TYR: variants seen among roughly 807,000 people sequenced by gnomAD.
The protein encoded by TYR is LB24-AB.
TYR carries 58 observed loss-of-function variants against 51.5 expected under a neutral mutation model. The ratio of observed to expected loss-of-function variants is 1.13; its 90% CI spans 0.91 to 1.40. TYR has a LOEUF of 1.40. Among genes scored for constraint, TYR ranks in the 40% most tolerant of loss-of-function variants. The probability of loss-of-function intolerance (pLI) is 0.00; values close to 1 mark genes in which losing one functional copy is unlikely to be tolerated. For missense variants in TYR, 732 were observed against 647.4 expected, an observed-to-expected ratio of 1.13 and a Z score of -1.42; for synonymous variants, 263 against 235.2, an observed-to-expected ratio of 1.12 and a Z score of -1.08.
chr11:89,205,691 G>T (rs1943663354), intron 2 of TYR, among the ~76,000 whole-genome samples: 1 of 151,748 alleles, frequency 6.6e-6, no homozygotes, highest in Non-Finnish European at 1.5e-5. Context: ...GAAGTAAAAT[G>T]AAAAGATTTT....
intron 3 of TYR, among the ~76,000 whole-genome samples, chr11:89,244,555 T>C (rs1004767165): frequency 1.3e-5 from 2 of 152,236 alleles, no homozygotes; most frequent in African/African-American, 4.8e-5. Context: ...ATGCTACACA[T>C]TGTCCATGTT....
At chr11:89,248,562 G>T (rs951155095) in intron 3 of TYR, among the ~76,000 whole-genome samples, 1 of 152,118 alleles carries the variant, frequency 6.6e-6, no homozygotes, top group Non-Finnish European at 1.5e-5. Context: ...GACTAGAAAA[G>T]CTAAATACGG....
intron 3 of TYR, among the ~76,000 whole-genome samples, chr11:89,280,003 ATTTAT>A (rs1272759276): frequency 6.6e-6 from 1 of 151,588 alleles, no homozygotes; most frequent in African/African-American, 2.4e-5. Flanking sequence ...ACTCCTCTAT[ATTTAT>A]TTTATACAAC....
At chr11:89,280,828 G>A (rs571949823) in intron 3 of TYR, among the ~76,000 whole-genome samples, 4 of 151,780 alleles carry the variant, frequency 2.6e-5, no homozygotes, top group South Asian at 4.1e-4. Flanking sequence ...TTGGCAAGGA[G>A]TTGCACAATG....
At chr11:89,186,011 GT>G (rs1943367588) in intron 1 of TYR, among the ~76,000 whole-genome samples, 1 of 152,188 alleles carries the variant, frequency 6.6e-6, no homozygotes, top group Non-Finnish European at 1.5e-5. Flanking sequence ...AACAATGCCT[GT>G]TTTTACTAAT....
rs61754388 is a variant in TYR at position 89,227,904 on chromosome 11, C to A, written c.1118C>A (p.Thr373Lys). The A allele has an allele frequency of 8.8e-4, 1,423 of 1,613,434 alleles. 1 individual carries two copies. Among genetic ancestry groups the A allele is most frequent in the Non-Finnish European group, 1.1e-3 (1,312 of 1,179,730 alleles). The change falls in exon 3 of 5, where the codon ACA becomes AAA. Residue 373 changes from threonine to lysine, a missense_variant. Physicochemically the swap from Thr to Lys is moderately conservative, Grantham distance 78. Transcript: ENST00000263321. ...HNALHIYMNG[T>K]MSQVQGSAND... ...GCCTTGCACATCTATATGAATGGAA[C>A]AATGTCCCAGGTACAGGGATCTGCC...
At chr11:89,204,023 C>A (rs532026933) in intron 2 of TYR, among the ~76,000 whole-genome samples, 2 of 152,252 alleles carry the variant, frequency 1.3e-5, no homozygotes, top group South Asian at 2.1e-4. Context: ...GCATTCCAAC[C>A]AGGGAGGAAT....
At chr11:89,226,223 A>C (rs187953380) in intron 2 of TYR, among the ~76,000 whole-genome samples, 79 of 152,204 alleles carry the variant, frequency 5.2e-4, no homozygotes, top group African/African-American at 1.8e-3. Flanking sequence ...TAGGAGCATA[A>C]GTTCTACACT....
At chr11:89,245,304 G>A (rs796261988) in intron 3 of TYR, among the ~76,000 whole-genome samples, 13 of 152,194 alleles carry the variant, frequency 8.5e-5, no homozygotes, top group African/African-American at 1.9e-4. Context: ...AATTCTAAGC[G>A]CATCACATGA....
At chr11:89,258,226 T>C (rs1173023847) in intron 3 of TYR, among the ~76,000 whole-genome samples, 4 of 152,148 alleles carry the variant, frequency 2.6e-5, no homozygotes, top group South Asian at 2.1e-4. Flanking sequence ...CTTTTAACTA[T>C]TTATAATTTG....
chr11:89,272,580 C>T (rs1433076317), intron 3 of TYR, among the ~76,000 whole-genome samples: 1 of 151,890 alleles, frequency 6.6e-6, no homozygotes, highest in Non-Finnish European at 1.5e-5. Context: ...CTGGCTTCAA[C>T]TTAAACTAAC....
At chr11:89,282,765 G>C (rs1369625860) in intron 3 of TYR, among the ~76,000 whole-genome samples, 1 of 151,706 alleles carries the variant, frequency 6.6e-6, no homozygotes, top group Non-Finnish European at 1.5e-5. Flanking sequence ...TTGCCTATCA[G>C]AATACTAACC....
chr11:89,180,551 T>C (rs547243140), intron 1 of TYR, among the ~76,000 whole-genome samples: 16 of 149,674 alleles, frequency 1.1e-4, no homozygotes, highest in Non-Finnish European at 2.2e-4. Flanking sequence ...TAATACTCTC[T>C]AGAAAAAAAA....
chr11:89,221,490 T>C (rs1179228423), intron 2 of TYR, among the ~76,000 whole-genome samples: 2 of 152,226 alleles, frequency 1.3e-5, no homozygotes, highest in Admixed American at 6.5e-5. Flanking sequence ...TTCTCGTGTA[T>C]CTAGGGACTT....
intron 4 of TYR, among the ~76,000 whole-genome samples, chr11:89,292,676 C>T (rs1944863616): frequency 6.6e-6 from 1 of 152,054 alleles, no homozygotes; most frequent in Non-Finnish European, 1.5e-5. Context: ...ATTGTTTTCC[C>T]TGGTTTCTGC....
rs770771703 is a variant in TYR at position 89,295,219 on chromosome 11, G to A, written c.1443G>A (p.Ala481=). The part of the protein sequence containing the change: ...ASRIWSWLLG[A]AMVGAVLTAL... ...GGATCTGGTCATGGCTCCTTGGGGC[G>A]GCGATGGTAGGGGCCGTCCTCACTG... Residue 481 remains alanine, a synonymous_variant, in exon 5 of 5, where the codon GCG becomes GCA. Coordinates refer to ENST00000263321, the MANE Select transcript of TYR (RefSeq NM_000372.5). 59 of 1,613,858 alleles carry A rather than the reference G, an allele frequency of 3.7e-5. No homozygotes were observed. Among genetic ancestry groups the A allele is most frequent in the Admixed American group, 8.3e-5 (5 of 60,000 alleles).
chr11:89,245,078 T>C (rs901798413), intron 3 of TYR, among the ~76,000 whole-genome samples: 2 of 152,230 alleles, frequency 1.3e-5, no homozygotes, highest in Admixed American at 1.3e-4. Flanking sequence ...TTTGATACTA[T>C]TGTTTGGAAT....
At chr11:89,258,742 T>C (rs1458293233) in intron 3 of TYR, among the ~76,000 whole-genome samples, 3 of 152,070 alleles carry the variant, frequency 2.0e-5, no homozygotes, top group African/African-American at 7.2e-5. Flanking sequence ...AGCCTTTGCA[T>C]AGGTTCAACA....
chr11:89,246,445 TA>T (rs1201471513), intron 3 of TYR, among the ~76,000 whole-genome samples: 3 of 152,134 alleles, frequency 2.0e-5, no homozygotes, highest in Non-Finnish European at 4.4e-5. Flanking sequence ...ATAAGGGGCT[TA>T]AAAAAATATT....
Sources: allele counts gnomAD v4.1 joint callset (sites outside exome capture counted in the v4.1 genomes callset), GRCh38; gene constraint gnomAD v4.1.1; transcripts MANE v1.5; gene names NCBI Gene and HGNC (gene_info 2026-07-23, HGNC 2026-07-21).